PCCA: variants seen among roughly 807,000 people sequenced by gnomAD.
PCCA encodes propionyl-CoA carboxylase alpha chain, mitochondrial.
A neutral mutation model predicts 101.3 loss-of-function variants in PCCA; 74 were observed. The observed-to-expected ratio is 0.73, with a 90% CI of 0.61 to 0.89. The LOEUF is 0.89. Among genes scored for constraint, PCCA ranks in the 40% least tolerant of loss-of-function variants. The probability of loss-of-function intolerance (pLI) is 0.00; values close to 1 mark genes in which losing one functional copy is unlikely to be tolerated. For missense variants in PCCA, 891 were observed against 907.0 expected (o/e 0.98, Z 0.23); for synonymous variants, 294 against 313.6 (o/e 0.94, Z 0.66).
chr13:100,121,398 G>A (rs1372105041), intron 4 of PCCA, among the ~76,000 whole-genome samples: 1 of 150,924 alleles, frequency 6.6e-6, no homozygotes, highest in Non-Finnish European at 1.5e-5. Flanking sequence ...GACCTCAAGT[G>A]ATCCTCCCGC....
intron 19 of PCCA, among the ~76,000 whole-genome samples, chr13:100,401,398 C>T (rs2077353748): frequency 6.6e-6 from 1 of 152,162 alleles, no homozygotes; most frequent in South Asian, 2.1e-4. Context: ...CGTGCACCAC[C>T]ATGCCTGGCT....
intron 18 of PCCA, among the ~76,000 whole-genome samples, chr13:100,356,860 C>T (rs746381177): frequency 2.6e-5 from 4 of 152,102 alleles, no homozygotes; most frequent in African/African-American, 9.6e-5. Flanking sequence ...AAATGTGATA[C>T]GTTCATAGAA....
chr13:100,424,456 T>C (rs970944846), intron 19 of PCCA, among the ~76,000 whole-genome samples: 1 of 152,114 alleles, frequency 6.6e-6, no homozygotes, highest in Admixed American at 6.5e-5. Flanking sequence ...CCTATCACGA[T>C]GTACTTGGGT....
rs1019912082 is a variant in PCCA at position 100,284,708 on chromosome 13, C to T, written c.1065+11362C>T. Among the ~76,000 whole-genome samples the T allele has an allele frequency of 3.3e-5, 5 of 152,220 alleles. No individual in the cohort carries two copies. In the South Asian group the frequency reaches 6.2e-4, roughly 19 times the overall value. On this transcript the variant is annotated intron_variant, in intron 12 of 23. Transcript: ENST00000376285. The stretch of plus-strand genomic sequence containing the variant: ...GTACCAGAGGAAGCAGAATGGTTCA[C>T]GGTTCTGGACCTCAAGGATGTCTTC...
At chr13:100,222,216 T>C (rs552155879) in intron 7 of PCCA, among the ~76,000 whole-genome samples, 1 of 151,962 alleles carries the variant, frequency 6.6e-6, no homozygotes, top group Non-Finnish European at 1.5e-5. Flanking sequence ...AATTTTTGTA[T>C]TTTTAGTAAT....
At chr13:100,506,391 G>A (rs917502347) in intron 21 of PCCA, among the ~76,000 whole-genome samples, 10 of 151,292 alleles carry the variant, frequency 6.6e-5, no homozygotes, top group South Asian at 2.1e-4. Flanking sequence ...GGGTGGGGGC[G>A]GGGGCGGCGG....
chr13:100,448,381 C>T (rs932283266), intron 20 of PCCA, among the ~76,000 whole-genome samples: 20 of 151,976 alleles, frequency 1.3e-4, no homozygotes, highest in East Asian at 9.7e-4. Context: ...TTAGTAAAGA[C>T]GGGGTTTCAC....
intron 19 of PCCA, among the ~76,000 whole-genome samples, chr13:100,422,038 TTTTC>T (rs2078800195): frequency 9.4e-6 from 1 of 106,012 alleles, no homozygotes; most frequent in African/African-American, 3.8e-5. Context: ...TATTCTCTTC[TTTTC>T]TTTCTTTTCC....
chr13:100,156,187 G>T (rs2053867268), intron 5 of PCCA, among the ~76,000 whole-genome samples: 1 of 152,144 alleles, frequency 6.6e-6, no homozygotes, highest in Admixed American at 6.5e-5. Context: ...TCTTGCCTCA[G>T]CCTCCCAAGT....
chr13:100,375,548 C>T (rs2075849950), intron 19 of PCCA, among the ~76,000 whole-genome samples: 1 of 152,222 alleles, frequency 6.6e-6, no homozygotes, highest in Non-Finnish European at 1.5e-5. Flanking sequence ...CTGTGTGCTC[C>T]TGTATTGGGT....
Position 100,446,457 on chromosome 13 carries a change from T to C in PCCA, c.1846-2795T>C, listed in dbSNP as rs534542938. ...ATAATACTTTGTACATTTTGTACTA[T>C]GCATTTATCGTATTGAATTATACTT... On this transcript the variant is annotated intron_variant, in intron 20 of 23. Transcript: ENST00000376285. Among the ~76,000 whole-genome samples the C allele has an allele frequency of 1.4e-3, 216 of 152,390 alleles. 1 individual carries two copies. The highest frequency in any genetic ancestry group is 4.9e-3 in the African/African-American group (203 of 41,596).
chr13:100,125,815 T>C (rs528823238), intron 4 of PCCA, among the ~76,000 whole-genome samples: 253 of 152,360 alleles, frequency 1.7e-3, no homozygotes, highest in South Asian at 4.1e-3. Flanking sequence ...TTTCTCTGCA[T>C]TTTTGGGTAA....
At chr13:100,354,247 C>G (rs907305440) in intron 18 of PCCA, among the ~76,000 whole-genome samples, 1 of 150,054 alleles carries the variant, frequency 6.7e-6, no homozygotes, top group Non-Finnish European at 1.5e-5. Flanking sequence ...CCACTGCACT[C>G]CAGCCTGGCT....
At chr13:100,463,770 C>T (rs1399733745) in intron 21 of PCCA, among the ~76,000 whole-genome samples, 1 of 152,080 alleles carries the variant, frequency 6.6e-6, no homozygotes, top group African/African-American at 2.4e-5. Flanking sequence ...AGGAAATGCC[C>T]ACAGCTAAGG....
chr13:100,451,857 TTCCTC>T (rs1359963495), intron 21 of PCCA, among the ~76,000 whole-genome samples: 5 of 61,520 alleles, frequency 8.1e-5, no homozygotes, highest in African/African-American at 1.7e-4. Flanking sequence ...CTCTCTCCTC[TTCCTC>T]TCCTCTCTCT....
intron 21 of PCCA, among the ~76,000 whole-genome samples, chr13:100,505,255 T>C (rs1336090982): frequency 6.6e-6 from 1 of 152,232 alleles, no homozygotes; most frequent in African/African-American, 2.4e-5. Flanking sequence ...TCAGGAGCCA[T>C]TTTTTCTTGT....
rs189112796 is a variant in PCCA, at chr13:100,287,761, A to T, written c.1066-13699A>T. Among the ~76,000 whole-genome samples, 381 of 152,148 alleles carry T rather than the reference A, an allele frequency of 2.5e-3. 3 individuals are homozygous for T. Among genetic ancestry groups the T allele is most frequent in the Non-Finnish European group, 2.5e-3 (167 of 67,986 alleles). On this transcript the variant is annotated intron_variant, in intron 12 of 23. Coordinates refer to ENST00000376285, the MANE Select transcript of PCCA (RefSeq NM_000282.4). The stretch of plus-strand genomic sequence containing the variant: ...TTATGGTCACTGTCAGCATCTTACC[A>T]TAGCTTCATGATTAGTGAGTTCTTT...
intron 21 of PCCA, among the ~76,000 whole-genome samples, chr13:100,477,020 T>C (rs1449728300): frequency 6.6e-6 from 1 of 152,256 alleles, no homozygotes. Context: ...TTATAGTTAC[T>C]ACTTCAGTAA....
chr13:100,203,552 G>A (rs1456163751), intron 6 of PCCA, among the ~76,000 whole-genome samples: 2 of 151,960 alleles, frequency 1.3e-5, no homozygotes, highest in East Asian at 3.9e-4. Flanking sequence ...ATATTAGCCC[G>A]GCATGGTGGG....
Sources: gnomAD v4.1 joint callset for allele counts (sites outside exome capture counted in the v4.1 genomes callset) on GRCh38, gnomAD v4.1.1 for gene constraint, MANE v1.5 for transcripts, NCBI Gene and HGNC (gene_info 2026-07-23, HGNC 2026-07-21) for gene names.